Variants in DLG2 observed in about 807,000 individuals in gnomAD.
DLG2 encodes discs large MAGUK scaffold protein 2, also known as disks large homolog 2.
A neutral mutation model predicts 132.5 loss-of-function variants in DLG2; 45 were observed. The ratio of observed to expected loss-of-function variants is 0.34; its 90% CI spans 0.27 to 0.44. DLG2 has a LOEUF of 0.44. Ranked by LOEUF, DLG2 falls within the 20% of genes least tolerant of loss-of-function variation. DLG2 has a pLI of 1.00. For synonymous variants in DLG2, 424 were observed against 419.6 expected (o/e 1.01, Z -0.13); for missense variants, 1,045 against 1,196.9 (o/e 0.87, Z 1.87).
chr11:84,157,117 T>G (rs1346632311), intron 9 of DLG2, among the ~76,000 whole-genome samples: 1 of 152,176 alleles, frequency 6.6e-6, no homozygotes, highest in Non-Finnish European at 1.5e-5. Context: ...TTGATAGAAT[T>G]TCAGTTTTTA....
intron 6 of DLG2, among the ~76,000 whole-genome samples, chr11:84,924,923 T>G (rs2154086083): frequency 6.6e-6 from 1 of 152,292 alleles, no homozygotes; most frequent in East Asian, 1.9e-4. Context: ...AATGCAAAAC[T>G]GAGTATTTCA....
intron 6 of DLG2, among the ~76,000 whole-genome samples, chr11:85,046,149 G>A (rs746383827): frequency 3.9e-5 from 6 of 151,904 alleles, no homozygotes; most frequent in Admixed American, 2.0e-4. Flanking sequence ...AAAGGATCCC[G>A]AACAGAATTT....
chr11:84,180,494 T>G (rs1306941212), intron 8 of DLG2, among the ~76,000 whole-genome samples: 1 of 151,922 alleles, frequency 6.6e-6, no homozygotes, highest in African/African-American at 2.4e-5. Context: ...TTCACCCAAA[T>G]TAATGTCAGA....
intron 7 of DLG2, among the ~76,000 whole-genome samples, chr11:84,381,141 A>C (rs973027527): frequency 6.6e-6 from 1 of 152,064 alleles, no homozygotes; most frequent in Non-Finnish European, 1.5e-5. Flanking sequence ...AAAAATGACA[A>C]ATTTCCTGAC....
chr11:84,321,553 G>A (rs1270642350), intron 7 of DLG2, among the ~76,000 whole-genome samples: 1 of 152,028 alleles, frequency 6.6e-6, no homozygotes, highest in Admixed American at 6.6e-5. Context: ...AACCATACAG[G>A]CCTTGAATAC....
chr11:85,117,206 C>T (rs2073735433), intron 5 of DLG2, among the ~76,000 whole-genome samples: 1 of 151,988 alleles, frequency 6.6e-6, no homozygotes, highest in African/African-American at 2.4e-5. Flanking sequence ...ATGCCTCATC[C>T]ACATCATAGG....
At chr11:84,201,004 G>C (rs559004331) in intron 8 of DLG2, among the ~76,000 whole-genome samples, 1 of 152,262 alleles carries the variant, frequency 6.6e-6, no homozygotes, top group East Asian at 1.9e-4. Flanking sequence ...TGCTGAGAGA[G>C]GGCATCCTTG....
At chr11:83,758,839 C>T (rs75950838) in intron 18 of DLG2, among the ~76,000 whole-genome samples, 10,633 of 151,996 alleles carry the variant, frequency 0.07, 633 homozygotes, top group African/African-American at 0.16. Flanking sequence ...GCAATTGTAT[C>T]ATTTATGTAA....
intron 10 of DLG2, among the ~76,000 whole-genome samples, chr11:84,094,717 C>T (rs1361140364): frequency 6.6e-6 from 1 of 152,120 alleles, no homozygotes; most frequent in Admixed American, 6.5e-5. Context: ...AGTACTCCAC[C>T]TTCAAAACCT....
chr11:84,446,587 C>CTATA (rs2099035729), intron 7 of DLG2, among the ~76,000 whole-genome samples: 1 of 150,946 alleles, frequency 6.6e-6, no homozygotes, highest in African/African-American at 2.4e-5. Context: ...TGACTTGGAG[C>CTATA]TATACTCTCC....
intron 8 of DLG2, among the ~76,000 whole-genome samples, chr11:84,209,697 T>A (rs980276687): frequency 6.6e-6 from 1 of 151,768 alleles, no homozygotes; most frequent in Admixed American, 6.6e-5. Context: ...GAATAAACAA[T>A]AAACACATGA....
At chr11:83,825,392 G>A (rs948299654) in intron 17 of DLG2, among the ~76,000 whole-genome samples, 8 of 151,608 alleles carry the variant, frequency 5.3e-5, no homozygotes, top group Admixed American at 2.6e-4. Flanking sequence ...TGTTGGTCAG[G>A]CTGATCTCAA....
intron 3 of DLG2, among the ~76,000 whole-genome samples, chr11:85,568,197 T>C (rs367786728): frequency 5.9e-5 from 9 of 152,064 alleles, no homozygotes; most frequent in African/African-American, 2.2e-4. Context: ...TTGTATTTAA[T>C]AGAGATGGGG....
intron 18 of DLG2, among the ~76,000 whole-genome samples, chr11:83,749,565 A>G (rs914747531): frequency 1.3e-5 from 2 of 152,002 alleles, no homozygotes; most frequent in African/African-American, 4.8e-5. Context: ...TTCTCTGCAC[A>G]CAGAGCCCCC....
chr11:84,063,930 A>G (rs903376484), intron 10 of DLG2, among the ~76,000 whole-genome samples: 10 of 133,010 alleles, frequency 7.5e-5, no homozygotes, highest in African/African-American at 2.5e-4. Context: ...ACATGGACAC[A>G]GGAAGGGGAA....
intron 19 of DLG2, among the ~76,000 whole-genome samples, chr11:83,566,191 A>G (rs1209568394): frequency 6.6e-6 from 1 of 152,218 alleles, no homozygotes; most frequent in African/African-American, 2.4e-5. Context: ...CTGCTCAGTT[A>G]TTACACGGGA....
At chr11:84,483,430 C>CAAAAAAA (rs56086759) in intron 7 of DLG2, among the ~76,000 whole-genome samples, 2,022 of 89,854 alleles carry the variant, frequency 0.023, 30 homozygotes, top group Non-Finnish European at 0.034. Context: ...GACTCCGCCT[C>CAAAAAAA]AAAAAAAAAA....
At chr11:83,655,211 T>A (rs2071988376) in intron 18 of DLG2, among the ~76,000 whole-genome samples, 1 of 152,136 alleles carries the variant, frequency 6.6e-6, no homozygotes, top group African/African-American at 2.4e-5. Flanking sequence ...CCTAGTTCAG[T>A]GCCTAGCACA....
intron 6 of DLG2, among the ~76,000 whole-genome samples, chr11:84,772,639 C>G (rs148707784): frequency 6.6e-6 from 1 of 152,154 alleles, no homozygotes; most frequent in Non-Finnish European, 1.5e-5. Flanking sequence ...AATACCAAGA[C>G]GAACTCTCAA....
Sources: allele counts gnomAD v4.1 joint callset (sites outside exome capture counted in the v4.1 genomes callset), GRCh38; gene constraint gnomAD v4.1.1; transcripts MANE v1.5; gene names NCBI Gene and HGNC (gene_info 2026-07-23, HGNC 2026-07-21).